KHDRBS3: variants seen among roughly 807,000 people sequenced by gnomAD.
KHDRBS3 encodes the protein KH RNA binding domain containing, signal transduction associated 3, also known as KH domain-containing, RNA-binding, signal transduction-associated protein 3.
A neutral mutation model predicts 45.6 loss-of-function variants in KHDRBS3; 23 were observed. That is an observed-to-expected ratio of 0.50 (90% CI 0.36 to 0.72). KHDRBS3 has a LOEUF of 0.72. Among genes scored for constraint, KHDRBS3 ranks in the 30% least tolerant of loss-of-function variants. The pLI is 0.00. For missense variants in KHDRBS3, 352 were observed against 424.8 expected, an observed-to-expected ratio of 0.83 and a Z score of 1.51; for synonymous variants, 162 against 156.5, an observed-to-expected ratio of 1.04 and a Z score of -0.26.
chr8:135,495,520 A>G (rs1024489888), intron 1 of KHDRBS3, among the ~76,000 whole-genome samples: 1 of 152,238 alleles, frequency 6.6e-6, no homozygotes, highest in Non-Finnish European at 1.5e-5. Context: ...GCAGAACATG[A>G]TATCAGTGAG....
At chr8:135,649,733 A>G (rs1831390620), downstream of KHDRBS3, among the ~76,000 whole-genome samples, 1 of 152,176 alleles carries the variant, frequency 6.6e-6, no homozygotes, top group Non-Finnish European at 1.5e-5. Context: ...AGGAGTTGGC[A>G]TACAGAATAA....
chr8:135,496,260 T>A (rs1415074675), intron 1 of KHDRBS3, among the ~76,000 whole-genome samples: 2 of 150,022 alleles, frequency 1.3e-5, no homozygotes, highest in African/African-American at 4.9e-5. Context: ...TGAGACAGAG[T>A]CTTGCTCTGA....
intron 6 of KHDRBS3, among the ~76,000 whole-genome samples, chr8:135,586,558 C>T (rs11787396): frequency 0.39 from 59,573 of 151,808 alleles, 12,750 homozygotes; most frequent in South Asian, 0.53. Context: ...GGATGATGTT[C>T]GGATTAAAAA....
At chr8:135,511,534 T>G (rs1824283437) in intron 1 of KHDRBS3, among the ~76,000 whole-genome samples, 2 of 150,712 alleles carry the variant, frequency 1.3e-5, no homozygotes, top group Non-Finnish European at 3.0e-5. Flanking sequence ...ATTTGCTCTG[T>G]TTTTTTGTTT....
intron 6 of KHDRBS3, among the ~76,000 whole-genome samples, chr8:135,603,523 A>G (rs1265374217): frequency 6.6e-6 from 1 of 152,218 alleles, no homozygotes; most frequent in East Asian, 1.9e-4. Flanking sequence ...TGTGGCTTGC[A>G]AATTGTGTTA....
In KHDRBS3 at chr8:135,487,942, G is replaced by T. The variant is rs144242234; in HGVS notation, c.88+29988G>T. Reference sequence around the variant, plus strand: ...GATGATTAGATCTTGTTACACAGAAGTGCTTCAAAAATTATATCAAATCAT... The same window carrying T: ...GATGATTAGATCTTGTTACACAGAATTGCTTCAAAAATTATATCAAATCAT... On this transcript the variant is annotated intron_variant, in intron 1 of 8. Transcript: ENST00000355849. Among the ~76,000 whole-genome samples the T allele has an allele frequency of 5.3e-5, 8 of 152,274 alleles. No individual in the cohort carries two copies. In the South Asian group the frequency reaches 6.2e-4, roughly 12 times the overall value.
chr8:135,628,620 T>C (rs778928604), intron 7 of KHDRBS3, among the ~76,000 whole-genome samples: 1 of 152,228 alleles, frequency 6.6e-6, no homozygotes, highest in African/African-American at 2.4e-5. Context: ...TGTCTTTGTG[T>C]CTCATGTGAC....
chr8:135,469,375 C>T (rs1211135445), intron 1 of KHDRBS3, among the ~76,000 whole-genome samples: 1 of 152,144 alleles, frequency 6.6e-6, no homozygotes, highest in Non-Finnish European at 1.5e-5. Flanking sequence ...AGCTCCGCCT[C>T]CCAGGTTCAC....
At chr8:135,476,830 A>G (rs1482467911) in intron 1 of KHDRBS3, among the ~76,000 whole-genome samples, 1 of 152,226 alleles carries the variant, frequency 6.6e-6, no homozygotes, top group African/African-American at 2.4e-5. Flanking sequence ...TAAAAAAGGT[A>G]AATGACATTG....
intron 3 of KHDRBS3, among the ~76,000 whole-genome samples, chr8:135,544,539 G>T (rs1479373377): frequency 2.0e-5 from 3 of 152,054 alleles, no homozygotes; most frequent in Admixed American, 2.0e-4. Context: ...GAGGGGAGTC[G>T]GTGTTATGAA....
chr8:135,500,583 C>T (rs575686801), intron 1 of KHDRBS3, among the ~76,000 whole-genome samples: 1 of 152,258 alleles, frequency 6.6e-6, no homozygotes, highest in South Asian at 2.1e-4. Flanking sequence ...AGGCAGGGAG[C>T]TCTGAAGATA....
At chr8:135,458,574 C>A (rs1821248105) in intron 1 of KHDRBS3, 1 of 313,730 alleles carries the variant, frequency 3.2e-6, no homozygotes, top group Non-Finnish European at 6.2e-6. Flanking sequence ...ACAGCCCTGG[C>A]GGGGCAGTCA....
At chr8:135,470,619 T>C (rs962813622) in intron 1 of KHDRBS3, among the ~76,000 whole-genome samples, 8 of 151,278 alleles carry the variant, frequency 5.3e-5, no homozygotes, top group African/African-American at 2.0e-4. Context: ...AGAGTCTTAC[T>C]GTCTCACCCA....
chr8:135,544,653 A>G (rs545312236), intron 3 of KHDRBS3, among the ~76,000 whole-genome samples: 1 of 152,286 alleles, frequency 6.6e-6, no homozygotes, highest in Admixed American at 6.5e-5. Context: ...ATCTGCTGCA[A>G]TGAGTCCTCT....
At chr8:135,633,513 T>C (rs994780080) in intron 7 of KHDRBS3, among the ~76,000 whole-genome samples, 15 of 152,234 alleles carry the variant, frequency 9.9e-5, no homozygotes, top group Admixed American at 2.0e-4. Flanking sequence ...TATAGAAATA[T>C]AAGCTCATGT....
At chr8:135,618,021 T>C (rs540595861) in intron 7 of KHDRBS3, among the ~76,000 whole-genome samples, 1 of 152,318 alleles carries the variant, frequency 6.6e-6, no homozygotes, top group East Asian at 1.9e-4. Context: ...CATACCTCAT[T>C]GTTAGACTCA....
chr8:135,544,559 G>A lies in KHDRBS3; in HGVS notation c.324+1789G>A, dbSNP rs1412684151. Among the ~76,000 whole-genome samples, 5 of 152,100 alleles carry A rather than the reference G, an allele frequency of 3.3e-5. No individual in the cohort carries two copies. The South Asian group carries it at 1.0e-3, about 32-fold the overall frequency. On this transcript the variant is annotated intron_variant, in intron 3 of 8. Transcript: ENST00000355849. ...GAGTCGGTGTTATGAAGTAATGCAT[G>A]ACTTCCCTCCTGGCCACCGTGGCCA...
At chr8:135,622,914 T>C (rs1174289860) in intron 7 of KHDRBS3, among the ~76,000 whole-genome samples, 1 of 152,234 alleles carries the variant, frequency 6.6e-6, no homozygotes. Context: ...TTTGAACTTC[T>C]AAGCACATAT....
chr8:135,463,201 C>T (rs1338393398), intron 1 of KHDRBS3, among the ~76,000 whole-genome samples: 1 of 152,134 alleles, frequency 6.6e-6, no homozygotes, highest in Non-Finnish European at 1.5e-5. Context: ...TCTTCAGCAC[C>T]TAGCATACGT....
Sources: gnomAD v4.1 joint callset for allele counts (sites outside exome capture counted in the v4.1 genomes callset) on GRCh38, gnomAD v4.1.1 for gene constraint, MANE v1.5 for transcripts, NCBI Gene and HGNC (gene_info 2026-07-23, HGNC 2026-07-21) for gene names.